SURF4: variants seen among roughly 807,000 people sequenced by gnomAD.
SURF4 encodes the protein surfeit 4, also known as surfeit locus protein 4.
In SURF4, 3 loss-of-function variants were observed where a neutral mutation model predicts 30.0. The observed-to-expected ratio is 0.10, with a 90% CI of 0.05 to 0.26. SURF4 has a LOEUF of 0.26. SURF4 is among the 10% of genes least tolerant of loss of function. SURF4 has a pLI of 1.00. For synonymous variants in SURF4, 143 were observed against 139.9 expected (o/e 1.02, Z -0.16); for missense variants, 217 against 350.8 (o/e 0.62, Z 3.05).
At chr9:133,364,754 A>G (rs1425174337) in intron 5 of SURF4, 86 bp downstream of exon 5, 39 of 1,361,804 alleles carry the variant, frequency 2.9e-5, no homozygotes, top group Non-Finnish European at 3.5e-5. Flanking sequence ...TTAATACCCA[A>G]CCAGGGAGGG....
upstream of SURF4, chr9:133,376,091 T>C (rs1204243231): frequency 2.5e-6 from 3 of 1,202,688 alleles, no homozygotes; most frequent in South Asian, 8.3e-5. Flanking sequence ...CCGCGTCGGC[T>C]GCGGCTCCAG....
intron 1 of SURF4, among the ~76,000 whole-genome samples, chr9:133,370,356 C>T (rs1209695481): frequency 1.3e-5 from 2 of 152,138 alleles, no homozygotes; most frequent in African/African-American, 4.8e-5. Context: ...CTAGGTACTG[C>T]CTTCTGAACT....
At chr9:133,377,387 G>A (rs1337263833), upstream of SURF4, among the ~76,000 whole-genome samples, 3 of 152,214 alleles carry the variant, frequency 2.0e-5, no homozygotes, top group South Asian at 4.1e-4. Flanking sequence ...GTCCCTGGCC[G>A]GGCTCGGTGG....
At chr9:133,375,198 A>G in intron 1 of SURF4, 1 of 985,288 alleles carries the variant, frequency 1.0e-6, no homozygotes, top group Non-Finnish European at 1.2e-6. Flanking sequence ...CAGTTACCCA[A>G]CCGCCTGTTT....
upstream of SURF4, among the ~76,000 whole-genome samples, chr9:133,377,639 G>C (rs1248164802): frequency 6.6e-6 from 1 of 151,964 alleles, no homozygotes; most frequent in Non-Finnish European, 1.5e-5. Context: ...CTCCAGCCTG[G>C]GCAACAAGAG....
intron 2 of SURF4, 107 bp downstream of exon 2, chr9:133,367,152 G>C: frequency 1.4e-6 from 2 of 1,379,620 alleles, no homozygotes; most frequent in African/African-American, 1.4e-5. Context: ...GGAATGGAGG[G>C]GGGACAGCAG....
intron 1 of SURF4, among the ~76,000 whole-genome samples, chr9:133,370,085 A>G (rs1837411434): frequency 1.3e-5 from 2 of 152,240 alleles, no homozygotes; most frequent in Non-Finnish European, 2.9e-5. Context: ...CAGCCCAGCC[A>G]TGGGCTGCGG....
Position 133,363,535 on chromosome 9 carries a change from G to A in SURF4, c.768C>T (p.Gly256=), listed in dbSNP as rs150553735. Reference sequence around the variant, plus strand: ...TCTCATCCATGGAGACACCCCCAGGGCCCAGGGCCACCACCAGGAGCAAGC... The same window carrying A: ...TCTCATCCATGGAGACACCCCCAGGACCCAGGGCCACCACCAGGAGCAAGC... The part of the protein sequence containing the change: ...IGGLLLVVAL[G]PGGVSMDEKK... Residue 256 remains glycine, a synonymous_variant, in exon 6 of 6, where the codon GGC becomes GGT. Transcript: ENST00000371989. This position sits in a 1 kb window ranked among gnomAD's most constrained non-coding sequence, Gnocchi z 4.3. The A allele has an allele frequency of 9.3e-5, 150 of 1,614,166 alleles. No homozygotes were observed. In the African/African-American group the frequency reaches 1.9e-3, roughly 20 times the overall value.
chr9:133,364,773 G>C (rs1837063681), intron 5 of SURF4, 67 bp downstream of exon 5: 1 of 1,540,088 alleles, frequency 6.5e-7, no homozygotes, highest in African/African-American at 1.4e-5. Context: ...GGGTGAGCAG[G>C]GAGGGGGTGG....
chr9:133,366,693 G>T lies in SURF4; in HGVS notation c.236-18C>A. On this transcript the variant is annotated intron_variant, in intron 2 of 5. Coordinates refer to ENST00000371989, the MANE Select transcript of SURF4 (RefSeq NM_033161.4). ...GCAGCCAGCTGGAGAGAAGGACAAG[G>T]GTTAGGGGGCCTGAGGGTGGGTGCC... The T allele has an allele frequency of 6.2e-7, 1 of 1,612,218 alleles. No homozygotes were observed. The highest frequency in any genetic ancestry group is 8.5e-7 in the Non-Finnish European group (1 of 1,179,784).
intron 1 of SURF4, among the ~76,000 whole-genome samples, chr9:133,371,426 G>A (rs1480167101): frequency 2.6e-5 from 4 of 152,204 alleles, no homozygotes; most frequent in Non-Finnish European, 5.9e-5. Flanking sequence ...ACCCTGCAGG[G>A]CCAGAAAGGA....
chr9:133,377,695 C>G (rs2130255364), upstream of SURF4, among the ~76,000 whole-genome samples: 4 of 152,106 alleles, frequency 2.6e-5, no homozygotes, highest in Admixed American at 2.6e-4. Context: ...AGTCCCCAAC[C>G]TTTTTGGCAC....
At position 133,363,504 on chromosome 9, in the gene SURF4, T is replaced by C. The variant is rs1269018821; in HGVS notation, c.799A>G (p.Lys267Glu). 6 of 1,613,932 alleles carry C rather than the reference T, an allele frequency of 3.7e-6. No homozygotes were observed. Among genetic ancestry groups the C allele is most frequent in the African/African-American group, 2.7e-5 (2 of 74,890 alleles). The stretch of plus-strand genomic sequence containing the variant: ...GGGATCTGTGACTGTTACCACTCCT[T>C]CTTCTTCTCATCCATGGAGACACCC... ...PGGVSMDEKK[K>E]EW is the part of the protein sequence containing the mutation. The change falls in exon 6 of 6, where the codon AAG (lysine) becomes GAG (glutamate). Residue 267 changes from lysine (K) to glutamate (E), a missense_variant. By Grantham distance (56) the Lys-to-Glu change is moderately conservative. Coordinates refer to ENST00000371989, the MANE Select transcript of SURF4 (RefSeq NM_033161.4). This position sits in a 1 kb window ranked among gnomAD's most constrained non-coding sequence, Gnocchi z 4.3.
Position 133,372,103 on chromosome 9 carries a change from A to C in SURF4, c.48+3819T>G, listed in dbSNP as rs1054483815. Reference sequence around the variant, plus strand: ...ATTAGTTTGGATTGCTGAGTTCATTAGTTTCTGGACCCTTCCCATGGCTTC... The same window carrying C: ...ATTAGTTTGGATTGCTGAGTTCATTCGTTTCTGGACCCTTCCCATGGCTTC... On this transcript the variant is annotated intron_variant, in intron 1 of 5. Transcript: ENST00000371989. Among the ~76,000 whole-genome samples, 12 of 152,338 alleles carry C rather than the reference A, an allele frequency of 7.9e-5. 1 individual carries two copies. The highest frequency in any genetic ancestry group is 2.9e-4 in the African/African-American group (12 of 41,584).
intron 1 of SURF4, chr9:133,372,771 T>A: frequency 6.0e-6 from 2 of 333,086 alleles, no homozygotes; most frequent in Non-Finnish European, 8.6e-6. Context: ...CAGCTTTAAG[T>A]ACTATGTGAA....
At chr9:133,369,153 C>CAAAGCCA (rs1837357870) in intron 1 of SURF4, among the ~76,000 whole-genome samples, 1 of 152,158 alleles carries the variant, frequency 6.6e-6, no homozygotes, top group African/African-American at 2.4e-5. Flanking sequence ...TGGCAGAGAA[C>CAAAGCCA]GGAGGCAGAG....
chr9:133,377,749 C>T (rs2130255515), upstream of SURF4, among the ~76,000 whole-genome samples: 9 of 152,122 alleles, frequency 5.9e-5, no homozygotes, highest in Admixed American at 1.3e-4. Flanking sequence ...CAGATGGAGG[C>T]GGGAGGATGG....
chr9:133,376,185 C>A, upstream of SURF4: 1 of 1,249,068 alleles, frequency 8.0e-7, no homozygotes, highest in Non-Finnish European at 1.0e-6. Flanking sequence ...CACGCGCCAT[C>A]CCCAGCCTCC....
upstream of SURF4, chr9:133,376,519 C>G (rs2130248793): frequency 1.2e-6 from 2 of 1,601,048 alleles, no homozygotes; most frequent in East Asian, 2.3e-5. Flanking sequence ...GCAGGGGGAG[C>G]GAGGCCCAGG....
Sources: gnomAD v4.1 joint callset for allele counts (sites outside exome capture counted in the v4.1 genomes callset) on GRCh38, gnomAD v4.1.1 for gene constraint, Gnocchi (gnomAD v3.1) non-coding constraint, MANE v1.5 for transcripts, NCBI Gene and HGNC (gene_info 2026-07-23, HGNC 2026-07-21) for gene names.